ACAD11: variants seen among roughly 807,000 people sequenced by gnomAD.
The protein encoded by ACAD11 is acyl-CoA dehydrogenase family member 11.
In ACAD11, 83 loss-of-function variants were observed where a neutral mutation model predicts 102.2. That is an observed-to-expected ratio of 0.81 (90% CI 0.68 to 0.97). The LOEUF is 0.97. Among genes scored for constraint, ACAD11 ranks in the 50% least tolerant of loss-of-function variants. ACAD11 has a pLI of 0.00. For synonymous variants in ACAD11, 324 were observed against 319.8 expected (o/e 1.01, Z -0.14); for missense variants, 901 against 951.7 (o/e 0.95, Z 0.70).
chr3:132,654,884 G>A (rs773387945), intron 1 of ACAD11, among the ~76,000 whole-genome samples: 1 of 152,228 alleles, frequency 6.6e-6, no homozygotes, highest in Non-Finnish European at 1.5e-5. Flanking sequence ...GTTGGAGTTA[G>A]CATAAATAGG....
At chr3:132,587,034 CAGTG>C (rs1360214570) in intron 13 of ACAD11, among the ~76,000 whole-genome samples, 1 of 152,108 alleles carries the variant, frequency 6.6e-6, no homozygotes, top group African/African-American at 2.4e-5. Flanking sequence ...GCAGAGGCTG[CAGTG>C]AGTGAGCTGA....
chr3:132,589,658 G>A (rs1937991883), intron 13 of ACAD11, among the ~76,000 whole-genome samples: 1 of 151,974 alleles, frequency 6.6e-6, no homozygotes. Flanking sequence ...AATCAGATTA[G>A]GACATAACAA....
chr3:132,641,922 T>C (rs994127753), intron 4 of ACAD11, 50 bp downstream of exon 4: 17 of 1,507,392 alleles, frequency 1.1e-5, no homozygotes, highest in Non-Finnish European at 1.4e-5. Context: ...TAATAAGGTA[T>C]ATTATTTACA....
At chr3:132,632,980 A>T (rs1940112674) in intron 5 of ACAD11, among the ~76,000 whole-genome samples, 1 of 152,210 alleles carries the variant, frequency 6.6e-6, no homozygotes, top group African/African-American at 2.4e-5. Flanking sequence ...TTGGGCTGAG[A>T]CGACAGCGTT....
At chr3:132,624,064 C>G (rs1436727770) in intron 9 of ACAD11, among the ~76,000 whole-genome samples, 2 of 151,284 alleles carry the variant, frequency 1.3e-5, no homozygotes, top group African/African-American at 4.9e-5. Flanking sequence ...CCTGTAATCC[C>G]AGCGCTCTGG....
intron 1 of ACAD11, among the ~76,000 whole-genome samples, chr3:132,647,758 C>A (rs917509319): frequency 6.6e-6 from 1 of 152,142 alleles, no homozygotes; most frequent in Non-Finnish European, 1.5e-5. Context: ...TCTATTCAGA[C>A]TGCTATTATG....
chr3:132,603,217 C>G lies in ACAD11; in HGVS notation c.1621+12G>C. On this transcript the variant is annotated intron_variant, in intron 13 of 19. Coordinates refer to ENST00000264990, the MANE Select transcript of ACAD11 (RefSeq NM_032169.5). The stretch of plus-strand genomic sequence containing the variant: ...CAGTGTGTTAGGTGAAAAAATTAGG[C>G]TGAACACTCACCACTGCTCCACCAT... 1 of 1,610,882 alleles carries G rather than the reference C, an allele frequency of 6.2e-7. No individual in the cohort carries two copies. Among genetic ancestry groups the G allele is most frequent in the Non-Finnish European group, 8.5e-7 (1 of 1,177,184 alleles).
intron 2 of ACAD11, 46 bp from the exon 3 acceptor site, chr3:132,642,848 T>C (rs775420165): frequency 1.9e-6 from 3 of 1,572,668 alleles, no homozygotes; most frequent in Non-Finnish European, 2.6e-6. Flanking sequence ...ACTGATTTAA[T>C]TGTAATTAAA....
chr3:132,574,858 CAG>C (rs1328334938), intron 17 of ACAD11, among the ~76,000 whole-genome samples: 1 of 152,036 alleles, frequency 6.6e-6, no homozygotes, highest in Non-Finnish European at 1.5e-5. Context: ...TTTCTGGAGA[CAG>C]AGTCTCGCTC....
intron 17 of ACAD11, among the ~76,000 whole-genome samples, chr3:132,571,163 A>C (rs559029861): frequency 2.0e-5 from 3 of 152,064 alleles, no homozygotes; most frequent in African/African-American, 4.8e-5. Context: ...CCAGCCCAGC[A>C]TCTGTTATTT....
intron 11 of ACAD11, among the ~76,000 whole-genome samples, chr3:132,609,475 A>C (rs181761804): frequency 0.012 from 1,879 of 152,350 alleles, 24 homozygotes; most frequent in Middle Eastern, 0.1. Context: ...ACAGAAATAC[A>C]AACTACCATC....
intron 8 of ACAD11, 28 bp from the exon 9 acceptor site, chr3:132,626,845 G>T: frequency 6.3e-7 from 1 of 1,591,414 alleles, no homozygotes; most frequent in Non-Finnish European, 8.5e-7. Flanking sequence ...AGGAAAAAAA[G>T]GTTACAAAGA....
intron 5 of ACAD11, among the ~76,000 whole-genome samples, chr3:132,636,932 CA>C (rs1320346785): frequency 6.6e-6 from 1 of 151,730 alleles, no homozygotes; most frequent in African/African-American, 2.4e-5. Context: ...CGAGATGGGA[CA>C]AGAAATGTGA....
In ACAD11 at chr3:132,558,895, A is replaced by G. The variant is rs752956711; in HGVS notation, c.*76T>C. The G allele has an allele frequency of 1.2e-3, 1,216 of 1,044,230 alleles. 3 individuals are homozygous for G. The highest frequency in any genetic ancestry group is 1.7e-3 in the Non-Finnish European group (1,171 of 691,498). The allele number at this position is 1,044,230 out of a possible 1,614,324, so 64.7% of individuals were successfully genotyped here. ...GTGCTCAAACTGCTACAAAAATATG[A>G]GATTCAAATGTTGGAGCCAATGAAG... On this transcript the variant is annotated 3_prime_UTR_variant, in exon 20 of 20. Transcript: ENST00000264990.
chr3:132,616,368 C>A (rs566684117), intron 11 of ACAD11, among the ~76,000 whole-genome samples: 2 of 152,272 alleles, frequency 1.3e-5, no homozygotes, highest in South Asian at 4.1e-4. Context: ...AGAGCTGAAT[C>A]TGCAAGAGAA....
At chr3:132,603,694 T>C (rs1266106707) in intron 12 of ACAD11, among the ~76,000 whole-genome samples, 4 of 152,216 alleles carry the variant, frequency 2.6e-5, no homozygotes, top group Admixed American at 2.0e-4. Context: ...GCAAGACAGA[T>C]TCCCCCCATA....
rs116192812 is a variant in ACAD11, at chr3:132,602,356, A to T, written c.1621+873T>A. 4.3e-3 allele frequency: 720 copies of T among 167,132 alleles called. 9 individuals carry two copies. The highest frequency in any genetic ancestry group is 0.015 in the African/African-American group (643 of 41,574). 10.4% of individuals were successfully genotyped at this position (167,132 alleles called of 1,614,324 possible). On this transcript the variant is annotated intron_variant, in intron 13 of 19. Coordinates refer to ENST00000264990, the MANE Select transcript of ACAD11 (RefSeq NM_032169.5). Reference sequence around the variant, plus strand: ...TATATAGTCTAGGTGTAATCCTCAGACTATCATTTTCATCTGGGTTCCAAT... The same window carrying T: ...TATATAGTCTAGGTGTAATCCTCAGTCTATCATTTTCATCTGGGTTCCAAT...
chr3:132,573,019 C>T (rs190053346), intron 17 of ACAD11, among the ~76,000 whole-genome samples: 4 of 152,270 alleles, frequency 2.6e-5, no homozygotes, highest in East Asian at 3.9e-4. Flanking sequence ...CTTATCTACA[C>T]GTCATCTAGG....
chr3:132,615,710 A>G (rs1446531500), intron 11 of ACAD11, among the ~76,000 whole-genome samples: 1 of 152,176 alleles, frequency 6.6e-6, no homozygotes, highest in African/African-American at 2.4e-5. Context: ...TAGCATTAAG[A>G]GAAATACCTA....
Sources: allele counts gnomAD v4.1 joint callset (sites outside exome capture counted in the v4.1 genomes callset), GRCh38; gene constraint gnomAD v4.1.1; transcripts MANE v1.5; gene names NCBI Gene and HGNC (gene_info 2026-07-23, HGNC 2026-07-21).